The following GCNT2 variants were observed in gnomAD, a reference collection of about 807,000 sequenced individuals.
GCNT2 encodes N-acetyllactosaminide beta-1,6-N-acetylglucosaminyl-transferase.
In GCNT2, 34 loss-of-function variants were observed where a neutral mutation model predicts 34.2. The ratio of observed to expected loss-of-function variants is 1.00; its 90% CI spans 0.76 to 1.32. GCNT2 has a LOEUF of 1.32. Among genes scored for constraint, GCNT2 ranks in the 40% most tolerant of loss-of-function variants. The pLI is 0.00. For synonymous variants in GCNT2, 212 were observed against 188.0 expected (o/e 1.13, Z -1.04); for missense variants, 584 against 489.4 (o/e 1.19, Z -1.82).
chr6:10,592,056 T>C (rs1764669874), intron 3 of GCNT2, among the ~76,000 whole-genome samples: 1 of 152,206 alleles, frequency 6.6e-6, no homozygotes, highest in South Asian at 2.1e-4. Context: ...TGAGAATTAA[T>C]TACAAACGTT....
At chr6:10,602,449 T>C (rs548937850) in intron 3 of GCNT2, among the ~76,000 whole-genome samples, 5 of 152,198 alleles carry the variant, frequency 3.3e-5, no homozygotes, top group Non-Finnish European at 7.3e-5. Flanking sequence ...CAGGAAGAAG[T>C]GCCAGGCCTA....
intron 3 of GCNT2, among the ~76,000 whole-genome samples, chr6:10,579,778 T>C (rs2127405575): frequency 7.1e-6 from 1 of 140,800 alleles, no homozygotes; most frequent in South Asian, 2.3e-4. Flanking sequence ...ATCGTGCCAC[T>C]GCGCTCCAGC....
intron 3 of GCNT2, among the ~76,000 whole-genome samples, chr6:10,569,271 A>ACACACACACACACACACACACACACC (rs1561806901): frequency 3.5e-5 from 5 of 142,354 alleles, no homozygotes; most frequent in African/African-American, 1.3e-4. Context: ...ACACACACAC[A>ACACACACACACACACACACACACACC]CACCCCCTAG....
At chr6:10,617,747 CTTCTTTT>C (rs1180317722) in intron 3 of GCNT2, among the ~76,000 whole-genome samples, 6 of 114,294 alleles carry the variant, frequency 5.2e-5, no homozygotes, top group East Asian at 2.5e-4. Context: ...GTCTGCATTT[CTTCTTTT>C]TTTTTTTTTT....
intron 3 of GCNT2, among the ~76,000 whole-genome samples, chr6:10,600,921 C>T (rs773984755): frequency 7.4e-4 from 113 of 151,950 alleles, no homozygotes; most frequent in Non-Finnish European, 1.5e-3. Flanking sequence ...CTCTTGAGTA[C>T]GTGGGACTAC....
intron 3 of GCNT2, among the ~76,000 whole-genome samples, chr6:10,537,786 C>T (rs376813078): frequency 8.6e-5 from 13 of 151,090 alleles, no homozygotes; most frequent in Admixed American, 7.9e-4. Context: ...AATATCCTAG[C>T]TTAGCCTAGC....
At chr6:10,599,898 A>G (rs888341321) in intron 3 of GCNT2, among the ~76,000 whole-genome samples, 1 of 152,182 alleles carries the variant, frequency 6.6e-6, no homozygotes, top group Non-Finnish European at 1.5e-5. Context: ...TTTGAGTGGA[A>G]GATATGAAAG....
At chr6:10,589,000 T>TGTGG (rs1733975851) in intron 3 of GCNT2, among the ~76,000 whole-genome samples, 1 of 145,970 alleles carries the variant, frequency 6.9e-6, no homozygotes, top group Admixed American at 6.8e-5. Flanking sequence ...GTGGTGTGGG[T>TGTGG]GTGTGTGTGG....
At chr6:10,563,770 AAAAAAAAATATATATATAT>A (rs1282841093) in intron 3 of GCNT2, among the ~76,000 whole-genome samples, 27 of 75,328 alleles carry the variant, frequency 3.6e-4, no homozygotes, top group African/African-American at 1.3e-3. Flanking sequence ...AAAAAAAAAA[AAAAAAAAATATATATATAT>A]ATATATATAT....
At chr6:10,546,170 G>A (rs76314873) in intron 3 of GCNT2, among the ~76,000 whole-genome samples, 38 of 152,162 alleles carry the variant, frequency 2.5e-4, no homozygotes, top group African/African-American at 8.2e-4. Context: ...CAGCATATAC[G>A]GCAGGCAAAA....
chr6:10,616,277 G>A (rs184998700), intron 3 of GCNT2, among the ~76,000 whole-genome samples: 3 of 152,178 alleles, frequency 2.0e-5, no homozygotes, highest in African/African-American at 7.2e-5. Flanking sequence ...GCAGACCTTC[G>A]TGGTGAGTGT....
intron 3 of GCNT2, among the ~76,000 whole-genome samples, chr6:10,563,531 C>T (rs1261695798): frequency 1.3e-5 from 2 of 151,914 alleles, no homozygotes; most frequent in African/African-American, 2.4e-5. Flanking sequence ...CACCTGAGGT[C>T]AAGAGTTCGA....
chr6:10,592,476 G>A, intron 3 of GCNT2, among the ~76,000 whole-genome samples: 1 of 152,070 alleles, frequency 6.6e-6, no homozygotes, highest in East Asian at 1.9e-4. Flanking sequence ...TAGATTGATG[G>A]GTCTACATCA....
At chr6:10,614,915 G>T (rs1765701105) in intron 3 of GCNT2, among the ~76,000 whole-genome samples, 1 of 152,218 alleles carries the variant, frequency 6.6e-6, no homozygotes, top group East Asian at 1.9e-4. Flanking sequence ...GGCACTGTGA[G>T]AACTGGTCCT....
intron 4 of GCNT2, among the ~76,000 whole-genome samples, chr6:10,626,116 C>T (rs1382637624): frequency 6.6e-6 from 1 of 152,144 alleles, no homozygotes; most frequent in East Asian, 1.9e-4. Context: ...GTTACTAACA[C>T]AATTTTCATA....
rs1241635699 is a variant in GCNT2 at position 10,627,617 on chromosome 6, A to G, written c.*1010A>G. 1 of 150,604 alleles carries G rather than the reference A, an allele frequency of 6.6e-6. No homozygotes were observed. Among genetic ancestry groups the G allele is most frequent in the African/African-American group, 2.5e-5 (1 of 40,002 alleles). The allele number at this position is 150,604 out of a possible 1,614,324, so 9.3% of individuals were successfully genotyped here. ...TTATCCCTCATTCATCCATCCGTTC[A>G]TTCATTCAGCCTTCAATCAACATCT... On this transcript the variant is annotated 3_prime_UTR_variant, in exon 5 of 5. Coordinates refer to ENST00000495262, the MANE Select transcript of GCNT2 (RefSeq NM_145649.5).
At chr6:10,592,720 TTTA>T (rs1764702149) in intron 3 of GCNT2, among the ~76,000 whole-genome samples, 1 of 152,046 alleles carries the variant, frequency 6.6e-6, no homozygotes, top group Admixed American at 6.6e-5. Context: ...AATGAGCTCT[TTTA>T]TTTTTATTTG....
At chr6:10,571,208 A>G (rs980549441) in intron 3 of GCNT2, among the ~76,000 whole-genome samples, 1 of 152,178 alleles carries the variant, frequency 6.6e-6, no homozygotes, top group African/African-American at 2.4e-5. Flanking sequence ...TGAGCATTCC[A>G]TCCCTACAAT....
chr6:10,573,655 C>T (rs1456372157), intron 3 of GCNT2, among the ~76,000 whole-genome samples: 2 of 152,194 alleles, frequency 1.3e-5, no homozygotes, highest in Non-Finnish European at 2.9e-5. Flanking sequence ...AACAGCAGGG[C>T]CAGGTTTAAA....
Sources: allele counts gnomAD v4.1 joint callset (sites outside exome capture counted in the v4.1 genomes callset), GRCh38; gene constraint gnomAD v4.1.1; transcripts MANE v1.5; gene names NCBI Gene and HGNC (gene_info 2026-07-23, HGNC 2026-07-21).